LRRC4C: variants seen among roughly 807,000 people sequenced by gnomAD.
LRRC4C encodes leucine-rich repeat-containing protein 4C.
LRRC4C carries 5 observed loss-of-function variants against 33.6 expected under a neutral mutation model. That is an observed-to-expected ratio of 0.15 (90% CI 0.08 to 0.31). The LOEUF (loss-of-function observed/expected upper bound fraction) is 0.31. LRRC4C is among the 10% of genes least tolerant of loss of function. The probability of loss-of-function intolerance (pLI) is 1.00; values close to 1 mark genes in which losing one functional copy is unlikely to be tolerated. For synonymous variants in LRRC4C, 329 were observed against 302.0 expected (o/e 1.09, Z -0.93); for missense variants, 560 against 796.7 (o/e 0.70, Z 3.58).
chr11:40,867,320 T>G (rs1954415677), intron 2 of LRRC4C, among the ~76,000 whole-genome samples: 1 of 152,178 alleles, frequency 6.6e-6, no homozygotes. Flanking sequence ...TTGACTTCAA[T>G]AGCTCACTAG....
At chr11:41,131,602 G>C (rs986678217) in intron 1 of LRRC4C, among the ~76,000 whole-genome samples, 2 of 151,964 alleles carry the variant, frequency 1.3e-5, no homozygotes, top group Non-Finnish European at 2.9e-5. Context: ...TCTTGAATAG[G>C]TACTAAGTAA....
chr11:40,743,631 A>G (rs945921186), intron 2 of LRRC4C, among the ~76,000 whole-genome samples: 1 of 152,130 alleles, frequency 6.6e-6, no homozygotes, highest in African/African-American at 2.4e-5. Context: ...GAGGGTCATT[A>G]TCTTTCTAAC....
intron 3 of LRRC4C, among the ~76,000 whole-genome samples, chr11:40,645,049 C>G (rs1942363166): frequency 6.6e-6 from 1 of 151,844 alleles, no homozygotes; most frequent in South Asian, 2.1e-4. Context: ...ATATTTGTAT[C>G]TCTACTGCAC....
intron 2 of LRRC4C, among the ~76,000 whole-genome samples, chr11:40,649,807 T>C (rs1942680629): frequency 6.6e-6 from 1 of 152,194 alleles, no homozygotes; most frequent in African/African-American, 2.4e-5. Context: ...TATGTCCATA[T>C]TAAAATGAAA....
At chr11:41,029,040 CT>C (rs1856558841) in intron 1 of LRRC4C, among the ~76,000 whole-genome samples, 1 of 151,708 alleles carries the variant, frequency 6.6e-6, no homozygotes, top group South Asian at 2.1e-4. Flanking sequence ...GCCAGAAATA[CT>C]TTAACAATTA....
intron 2 of LRRC4C, among the ~76,000 whole-genome samples, chr11:40,931,297 A>G (rs796645086): frequency 3.9e-5 from 6 of 152,286 alleles, no homozygotes; most frequent in African/African-American, 1.4e-4. Context: ...TATTGTGTAC[A>G]TTTACTGGGA....
chr11:41,110,166 C>T (rs183947071), intron 1 of LRRC4C, among the ~76,000 whole-genome samples: 36 of 152,152 alleles, frequency 2.4e-4, no homozygotes, highest in African/African-American at 7.9e-4. Flanking sequence ...TCAATCCTGG[C>T]TCTAGTACAC....
At chr11:40,137,475 C>A (rs113986891) in intron 6 of LRRC4C, among the ~76,000 whole-genome samples, 10 of 152,222 alleles carry the variant, frequency 6.6e-5, no homozygotes, top group African/African-American at 2.2e-4. Context: ...CCCTTCAGAT[C>A]CAAGAAGAAT....
chr11:41,096,059 G>C (rs1032868592), intron 1 of LRRC4C, among the ~76,000 whole-genome samples: 2 of 151,992 alleles, frequency 1.3e-5, no homozygotes, highest in Non-Finnish European at 2.9e-5. Flanking sequence ...GTATTAAGTA[G>C]TATGGACAAA....
At chr11:40,886,160 ATTAT>A (rs1442647565) in intron 2 of LRRC4C, among the ~76,000 whole-genome samples, 1 of 152,066 alleles carries the variant, frequency 6.6e-6, no homozygotes, top group Non-Finnish European at 1.5e-5. Context: ...AATTCTATCA[ATTAT>A]TTAGTTATTA....
intron 2 of LRRC4C, among the ~76,000 whole-genome samples, chr11:40,901,208 GCAC>G: frequency 6.6e-6 from 1 of 151,980 alleles, no homozygotes; most frequent in Non-Finnish European, 1.5e-5. Context: ...ATACACAAAT[GCAC>G]TCCTGGTAAG....
rs527449673 is a variant in LRRC4C at position 41,396,344 on chromosome 11, G to C, written c.-496+63087C>G. Among the ~76,000 whole-genome samples, 13 of 152,054 alleles carry C rather than the reference G, an allele frequency of 8.5e-5. No individual in the cohort carries two copies. The South Asian group carries it at 2.3e-3, about 27-fold the overall frequency. ...TAAATGTAGCAAAAAAATTAAGATA[G>C]GTATTGCAGTCTGACTAATTTTCAA... On this transcript the variant is annotated intron_variant, in intron 1 of 6. Coordinates refer to ENST00000528697, the MANE Select transcript of LRRC4C (RefSeq NM_001258419.2).
intron 2 of LRRC4C, among the ~76,000 whole-genome samples, chr11:40,726,653 C>A (rs886544769): frequency 6.6e-6 from 1 of 152,104 alleles, no homozygotes; most frequent in Admixed American, 6.5e-5. Flanking sequence ...CAACATCATA[C>A]TGAATGGGAA....
intron 1 of LRRC4C, chr11:41,222,980 A>T (rs1947373923): frequency 6.6e-6 from 1 of 152,136 alleles, no homozygotes; most frequent in Admixed American, 6.6e-5. Context: ...TCAAATACGG[A>T]TAATGACAGT....
intron 3 of LRRC4C, among the ~76,000 whole-genome samples, chr11:40,564,677 A>G (rs897048826): frequency 1.3e-5 from 2 of 152,148 alleles, no homozygotes; most frequent in African/African-American, 4.8e-5. Flanking sequence ...GATACTTCAC[A>G]CTTTCTCAGT....
chr11:41,155,786 T>C (rs931405661), intron 1 of LRRC4C, among the ~76,000 whole-genome samples: 8 of 152,148 alleles, frequency 5.3e-5, no homozygotes, highest in Non-Finnish European at 1.0e-4. Flanking sequence ...TCTCTCTCTC[T>C]TTTCCGCTTT....
At chr11:40,607,386 T>C (rs1960737109) in intron 3 of LRRC4C, among the ~76,000 whole-genome samples, 1 of 152,174 alleles carries the variant, frequency 6.6e-6, no homozygotes, top group Non-Finnish European at 1.5e-5. Flanking sequence ...TGGTCTGCTA[T>C]GTCCCCCATC....
intron 2 of LRRC4C, among the ~76,000 whole-genome samples, chr11:40,671,761 A>T (rs1261097908): frequency 6.6e-6 from 1 of 151,438 alleles, no homozygotes; most frequent in African/African-American, 2.4e-5. Flanking sequence ...CATCTTCATA[A>T]TCCTTGTCTC....
intron 2 of LRRC4C, among the ~76,000 whole-genome samples, chr11:40,722,634 AAG>A (rs1201152445): frequency 6.6e-6 from 1 of 152,174 alleles, no homozygotes; most frequent in East Asian, 1.9e-4. Flanking sequence ...TAAAAAGAAA[AAG>A]AAACTCCAGC....
Sources: allele counts gnomAD v4.1 joint callset (sites outside exome capture counted in the v4.1 genomes callset), GRCh38; gene constraint gnomAD v4.1.1; transcripts MANE v1.5; gene names NCBI Gene and HGNC (gene_info 2026-07-23, HGNC 2026-07-21).